MTMR12: variants seen among roughly 807,000 people sequenced by gnomAD.
MTMR12 encodes myotubularin-related protein 12.
In MTMR12, 33 loss-of-function variants were observed where a neutral mutation model predicts 96.7. The ratio of observed to expected loss-of-function variants is 0.34; its 90% CI spans 0.26 to 0.46. MTMR12 has a LOEUF of 0.46. MTMR12 is among the 20% of genes least tolerant of loss of function. The probability of loss-of-function intolerance (pLI) is 1.00; values close to 1 mark genes in which losing one functional copy is unlikely to be tolerated. For synonymous variants in MTMR12, 298 were observed against 327.2 expected (o/e 0.91, Z 0.96); for missense variants, 721 against 896.1 (o/e 0.80, Z 2.49).
Position 32,255,704 on chromosome 5 carries a change from G to T in MTMR12, c.778C>A (p.His260Asn). Reference protein sequence around the residue: ...PEENVQRFQGHGIPIWCWSCH... With the variant: ...PEENVQRFQGNGIPIWCWSCH... ...CCAGATGCACTTACTGGTATGCCAT[G>T]ACCCTGAAAGCGCTGCACATTCTCT... Residue 260 changes from histidine (H) to asparagine (N), a missense_variant, in exon 8 of 16, where the codon CAT (histidine) becomes AAT (asparagine). Coordinates refer to ENST00000382142, the MANE Select transcript of MTMR12 (RefSeq NM_001040446.3). 6.2e-7 allele frequency: 1 copy of T among 1,611,416 alleles called. No individual in the cohort carries two copies. Among genetic ancestry groups the T allele is most frequent in the South Asian group, 1.1e-5 (1 of 90,146 alleles).
At chr5:32,247,087 T>C (rs1356255536) in intron 10 of MTMR12, among the ~76,000 whole-genome samples, 2 of 152,206 alleles carry the variant, frequency 1.3e-5, no homozygotes, top group Non-Finnish European at 2.9e-5. Context: ...CAGCGGCTCA[T>C]GCCTATAATC....
rs751515561 is a variant in MTMR12, at chr5:32,243,600, C to G, written c.1022-1G>C. The G allele has an allele frequency of 6.3e-7, 1 of 1,594,042 alleles. No homozygotes were observed. Among genetic ancestry groups the G allele is most frequent in the Non-Finnish European group, 8.6e-7 (1 of 1,164,396 alleles). ...GTGTCCCAAAATTCAGTACTGTTAT[C>G]TGAAAAAAGAAAAAGGAGTAAAGAC... On this transcript the variant is annotated splice_acceptor_variant, in intron 10 of 15. Transcript: ENST00000382142. LOFTEE classifies it high-confidence loss of function.
chr5:32,277,044 C>T (rs140590443), intron 1 of MTMR12, among the ~76,000 whole-genome samples: 3,228 of 151,916 alleles, frequency 0.021, 83 homozygotes, highest in East Asian at 0.086. Context: ...TGCCACCACG[C>T]CCAGCTAATT....
intron 15 of MTMR12, 46 bp from the exon 16 acceptor site, chr5:32,230,393 C>T: frequency 6.7e-7 from 1 of 1,490,496 alleles, no homozygotes; most frequent in Non-Finnish European, 9.1e-7. Flanking sequence ...ACATAACAGG[C>T]ACAGTTAACA....
At position 32,233,473 on chromosome 5, in the gene MTMR12, A is replaced by AAACAC. The variant is rs1748085093; in HGVS notation, c.1674+299_1674+300insGTGTT. The stretch of plus-strand genomic sequence containing the variant: ...CTCTACTAACACACACACACACACA[A>AAACAC]ACACACACACACACACACACACACA... On this transcript the variant is annotated intron_variant, in intron 15 of 15. Coordinates refer to ENST00000382142, the MANE Select transcript of MTMR12 (RefSeq NM_001040446.3). The surrounding 1 kb of genome is among the most constrained non-coding windows in gnomAD (Gnocchi z 5.0). 6.7e-5 allele frequency among the ~76,000 whole-genome samples: 4 copies of AAACAC among 59,932 alleles called. No individual in the cohort carries two copies. Among genetic ancestry groups the AAACAC allele is most frequent in the Non-Finnish European group, 8.5e-5 (2 of 23,448 alleles). 39.3% of individuals were successfully genotyped at this position (59,932 alleles called of 152,430 possible). A position where few individuals can be genotyped will look rare whatever the true frequency, so the allele number is the denominator to read the frequency against.
chr5:32,312,231 G>A lies in MTMR12; in HGVS notation c.81+527C>T, dbSNP rs1266380222. Among the ~76,000 whole-genome samples, 1 of 152,218 alleles carries A rather than the reference G, an allele frequency of 6.6e-6. No homozygotes were observed. Among genetic ancestry groups the A allele is most frequent in the Admixed American group, 6.5e-5 (1 of 15,286 alleles). ...ACAAGCAGAGACTGGCTGAGGCCAG[G>A]CCGACCCCCTTTTCTCCCCGCAGCG... On this transcript the variant is annotated intron_variant, in intron 1 of 15. Transcript: ENST00000382142. The surrounding 1 kb of genome is among the most constrained non-coding windows in gnomAD (Gnocchi z 5.0).
chr5:32,246,304 A>G lies in MTMR12; in HGVS notation c.1021+1698T>C, dbSNP rs533026876. On this transcript the variant is annotated intron_variant, in intron 10 of 15. Coordinates refer to ENST00000382142, the MANE Select transcript of MTMR12 (RefSeq NM_001040446.3). ...AGCCCCTCCAAGTAGCTGGGATTACAGGCACCCACCACTACGTCCAGCTAA... is the reference window on the plus strand; with the variant it reads ...AGCCCCTCCAAGTAGCTGGGATTACGGGCACCCACCACTACGTCCAGCTAA... Among the ~76,000 whole-genome samples, 196 of 151,914 alleles carry G rather than the reference A, an allele frequency of 1.3e-3. 1 individual carries two copies. Among genetic ancestry groups the G allele is most frequent in the Middle Eastern group, 3.4e-3 (1 of 292 alleles).
In MTMR12 at chr5:32,230,123, C is replaced by G. The variant is rs1581582548; in HGVS notation, c.1899G>C (p.Gly633=). 6.2e-6 allele frequency: 10 copies of G among 1,612,476 alleles called. No homozygotes were observed. In the East Asian group the frequency reaches 2.2e-4, roughly 36 times the overall value. Residue 633 remains glycine, a synonymous_variant, in exon 16 of 16, where the codon GGG becomes GGC. Transcript: ENST00000382142. The stretch of plus-strand genomic sequence containing the variant: ...GCTGGGCCCAGACTTTGATTTCGGG[C>G]CCCTCGATATGCGGTAACAACAAAC... ...YHGLLLPHIE[G]PEIKVWAQRY...
chr5:32,229,671 G>T lies in MTMR12; in HGVS notation c.*107C>A. On this transcript the variant is annotated 3_prime_UTR_variant, in exon 16 of 16. Coordinates refer to ENST00000382142, the MANE Select transcript of MTMR12 (RefSeq NM_001040446.3). ...GAAGGCCCAGGTTTATTCTAACGGA[G>T]TGCCGGGCTAAGGACCCAGCCAGCA... is the stretch of plus-strand genomic sequence containing the variant. 1 of 1,086,450 alleles carries T rather than the reference G, an allele frequency of 9.2e-7. No homozygotes were observed. The highest frequency in any genetic ancestry group is 1.3e-6 in the Non-Finnish European group (1 of 798,638). The allele number at this position is 1,086,450 out of a possible 1,614,324, so 67.3% of individuals were successfully genotyped here.
At chr5:32,245,848 TA>T (rs779132813) in intron 10 of MTMR12, among the ~76,000 whole-genome samples, 50 of 152,138 alleles carry the variant, frequency 3.3e-4, no homozygotes, top group Middle Eastern at 3.4e-3. Flanking sequence ...AAACCTCTCA[TA>T]AGCAGATGTT....
rs192091309 is a variant in MTMR12, at chr5:32,251,010, A to T, written c.790-2132T>A. Among the ~76,000 whole-genome samples, 495 of 152,052 alleles carry T rather than the reference A, an allele frequency of 3.3e-3. 4 individuals carry two copies. Among genetic ancestry groups the T allele is most frequent in the Non-Finnish European group, 4.5e-3 (308 of 67,958 alleles). ...GTTTGTTAATCTTATTTGTTTTTTT[A>T]AAAAAAGGATTACTCATTATTCGGT... On this transcript the variant is annotated intron_variant, in intron 8 of 15. Transcript: ENST00000382142.
chr5:32,230,359 AAC>A lies in MTMR12; in HGVS notation c.1675-14_1675-13del. ...AGTTGTCGTTGATGCTTTGAGAGAAAACACAAATAAAAATCACTGGTTAACAT... is the reference window on the plus strand; with the variant it reads ...AGTTGTCGTTGATGCTTTGAGAGAAAACAAATAAAAATCACTGGTTAACAT... On this transcript the variant is annotated splice_polypyrimidine_tract_variant and intron_variant, in intron 15 of 15. Coordinates refer to ENST00000382142, the MANE Select transcript of MTMR12 (RefSeq NM_001040446.3). 6.3e-7 allele frequency: 1 copy of A among 1,584,088 alleles called. No homozygotes were observed.
chr5:32,296,801 T>TAAAA (rs150147919), intron 1 of MTMR12, among the ~76,000 whole-genome samples: 1 of 117,796 alleles, frequency 8.5e-6, no homozygotes. Context: ...ACATTCTCTT[T>TAAAA]AAAAAAAAAA....
intron 12 of MTMR12, among the ~76,000 whole-genome samples, chr5:32,239,722 T>C (rs1748391808): frequency 6.6e-6 from 1 of 152,234 alleles, no homozygotes; most frequent in South Asian, 2.1e-4. Flanking sequence ...AAGTTTAATA[T>C]TTCTTGACTG....
chr5:32,296,825 G>A (rs755847800), intron 1 of MTMR12, among the ~76,000 whole-genome samples: 4 of 149,332 alleles, frequency 2.7e-5, no homozygotes, highest in East Asian at 2.0e-4. Context: ...AAAAGTGGCC[G>A]GGCGCGGTGG....
chr5:32,239,533 G>A (rs539131010), intron 12 of MTMR12, among the ~76,000 whole-genome samples: 2 of 152,266 alleles, frequency 1.3e-5, no homozygotes, highest in East Asian at 1.9e-4. Context: ...GCCAGGCTCC[G>A]CAGGCCAAGA....
At chr5:32,261,562 G>A (rs759295103) in intron 7 of MTMR12, among the ~76,000 whole-genome samples, 7 of 152,096 alleles carry the variant, frequency 4.6e-5, no homozygotes, top group Non-Finnish European at 7.4e-5. Context: ...ACCATGTGCT[G>A]GATCTGATTT....
At chr5:32,305,954 G>C (rs1219120549) in intron 1 of MTMR12, among the ~76,000 whole-genome samples, 1 of 151,472 alleles carries the variant, frequency 6.6e-6, no homozygotes, top group South Asian at 2.1e-4. Flanking sequence ...AATATGTGCT[G>C]AACTAATTAA....
Position 32,233,808 on chromosome 5 carries a change from G to A in MTMR12, c.1639C>T (p.Leu547=). Residue 547 remains leucine, a synonymous_variant, in exon 15 of 16, where the codon CTG becomes TTG. Transcript: ENST00000382142. The surrounding 1 kb of genome is among the most constrained non-coding windows in gnomAD (Gnocchi z 5.0). Reference sequence around the variant, plus strand: ...ATTCCTTTCCGTTGGCCTTTGTCCAGTTTTGGCTTTTCCACATAAAGAGGG... The same window carrying A: ...ATTCCTTTCCGTTGGCCTTTGTCCAATTTTGGCTTTTCCACATAAAGAGGG... ...KNPLYVEKPK[L]DKGQRKGMRF... is the part of the protein sequence containing the mutation. 1 of 1,614,190 alleles carries A rather than the reference G, an allele frequency of 6.2e-7. No individual in the cohort carries two copies. Among genetic ancestry groups the A allele is most frequent in the South Asian group, 1.1e-5 (1 of 91,086 alleles).
Sources: gnomAD v4.1 joint callset for allele counts (sites outside exome capture counted in the v4.1 genomes callset) on GRCh38, gnomAD v4.1.1 for gene constraint, Gnocchi (gnomAD v3.1) non-coding constraint, MANE v1.5 for transcripts, NCBI Gene and HGNC (gene_info 2026-07-23, HGNC 2026-07-21) for gene names.